RBFOX1: variants seen among roughly 807,000 people sequenced by gnomAD.
RBFOX1 encodes RNA binding fox-1 homolog 1.
Under a neutral mutation model 57.7 loss-of-function variants are expected in RBFOX1, and 8 were observed. That is an observed-to-expected ratio of 0.14 (90% CI 0.08 to 0.25). RBFOX1 has a LOEUF of 0.25. RBFOX1 is among the 10% of genes least tolerant of loss of function. The probability of loss-of-function intolerance (pLI) is 1.00; values close to 1 mark genes in which losing one functional copy is unlikely to be tolerated. For synonymous variants in RBFOX1, 326 were observed against 222.4 expected, an observed-to-expected ratio of 1.47 and a Z score of -4.15; for missense variants, 611 against 548.5, an observed-to-expected ratio of 1.11 and a Z score of -1.14.
intron 2 of RBFOX1, among the ~76,000 whole-genome samples, chr16:5,491,909 C>T (rs901565275): frequency 6.6e-6 from 1 of 152,214 alleles, no homozygotes; most frequent in Non-Finnish European, 1.5e-5. Context: ...GCCTCACATC[C>T]TCAGAAAATC....
chr16:7,404,265 C>A (rs577101323), intron 4 of RBFOX1, among the ~76,000 whole-genome samples: 1 of 151,838 alleles, frequency 6.6e-6, no homozygotes, highest in East Asian at 2.0e-4. Context: ...GTTAGTCAGG[C>A]TGGTCTCTAA....
chr16:5,419,648 C>T (rs1363375586), intron 1 of RBFOX1, among the ~76,000 whole-genome samples: 1 of 152,052 alleles, frequency 6.6e-6, no homozygotes, highest in Non-Finnish European at 1.5e-5. Flanking sequence ...TCCTCAGAAG[C>T]TGTGAATGCG....
At chr16:5,291,573 C>G (rs1257394750) in intron 1 of RBFOX1, among the ~76,000 whole-genome samples, 6 of 152,120 alleles carry the variant, frequency 3.9e-5, no homozygotes, top group Admixed American at 3.9e-4. Flanking sequence ...GAGCTTTTAT[C>G]ATTGTTAACC....
intron 3 of RBFOX1, among the ~76,000 whole-genome samples, chr16:6,976,772 A>G (rs1381552277): frequency 1.8e-5 from 2 of 112,290 alleles, no homozygotes; most frequent in African/African-American, 3.3e-5. Context: ...ATATCGTATG[A>G]CATATCAATA....
Position 7,160,559 on chromosome 16 carries a change from A to C in RBFOX1, c.27+108461A>C, listed in dbSNP as rs189073206. ...TCATTAACTTGTTCTTGTTGATTCA[A>C]TGAAGATTACCTGCAGTTAGCTGAA... On this transcript the variant is annotated intron_variant, in intron 4 of 15. Coordinates refer to ENST00000550418, the MANE Select transcript of RBFOX1 (RefSeq NM_018723.4). Among the ~76,000 whole-genome samples, 1,091 of 152,296 alleles carry C rather than the reference A, an allele frequency of 7.2e-3. 9 individuals are homozygous for C. The highest frequency in any genetic ancestry group is 0.014 in the Middle Eastern group (4 of 294).
chr16:6,899,241 GTA>G (rs1227036702), intron 3 of RBFOX1, among the ~76,000 whole-genome samples: 1 of 151,906 alleles, frequency 6.6e-6, no homozygotes, highest in Non-Finnish European at 1.5e-5. Flanking sequence ...GTGTCCATGT[GTA>G]TGTTTGCGTG....
In RBFOX1 at chr16:6,205,483, A is replaced by T. The variant is rs114193788; in HGVS notation, c.-126-111512A>T. Among the ~76,000 whole-genome samples the T allele has an allele frequency of 8.8e-3, 1,335 of 152,270 alleles. 14 individuals are homozygous for T. The highest frequency in any genetic ancestry group is 0.031 in the African/African-American group (1,278 of 41,556). ...CTTCTCTGCGTCTGCTTCTGCTGCC[A>T]TGTTTATAAATATGTATGCACATTT... On this transcript the variant is annotated intron_variant, in intron 1 of 15. Transcript: ENST00000550418.
At chr16:7,608,919 G>A (rs2056879610) in intron 10 of RBFOX1, among the ~76,000 whole-genome samples, 1 of 152,178 alleles carries the variant, frequency 6.6e-6, no homozygotes, top group African/African-American at 2.4e-5. Flanking sequence ...CTTCATTGAT[G>A]AGAGTACTAG....
intron 12 of RBFOX1, 71 bp downstream of exon 12, chr16:7,654,018 G>A: frequency 7.0e-7 from 1 of 1,424,972 alleles, no homozygotes. Flanking sequence ...GGAGCTGTTT[G>A]CGAGCGCATG....
intron 2 of RBFOX1, among the ~76,000 whole-genome samples, chr16:6,498,040 A>C (rs1023116744): frequency 2.6e-5 from 4 of 151,972 alleles, no homozygotes; most frequent in African/African-American, 9.7e-5. Flanking sequence ...CCTAAGGTCA[A>C]GAGTTTGAGA....
intron 4 of RBFOX1, among the ~76,000 whole-genome samples, chr16:7,273,090 CCTCCCTCCCTTTCCTCCTTCCCTCT>C (rs560423322): frequency 1.6e-5 from 2 of 124,190 alleles, no homozygotes; most frequent in Non-Finnish European, 3.3e-5. Context: ...TTCCGCTCTC[CCTCCCTCCCTTTCCTCCTTCCCTCT>C]CTCCCTCCCT....
At chr16:5,769,725 G>A (rs1364036213) in intron 3 of RBFOX1, among the ~76,000 whole-genome samples, 1 of 152,122 alleles carries the variant, frequency 6.6e-6, no homozygotes, top group African/African-American at 2.4e-5. Context: ...GAGAAGAGGA[G>A]TCATCTACAG....
At chr16:7,604,994 T>C (rs1241053038) in intron 9 of RBFOX1, among the ~76,000 whole-genome samples, 1 of 152,136 alleles carries the variant, frequency 6.6e-6, no homozygotes, top group African/African-American at 2.4e-5. Context: ...AATTATTCAT[T>C]TAATATGACC....
rs185905162 is a variant in RBFOX1, at chr16:5,888,621, C to T, written c.351+21286C>T. ...GACCAGCCTGACCAACATGGGGAAA[C>T]CTCGTCTCTACTAAAAATACAAAAT... is the stretch of plus-strand genomic sequence containing the variant. On this transcript the variant is annotated intron_variant, in intron 4 of 19. Coordinates refer to the RBFOX1 transcript ENST00000641259. Among the ~76,000 whole-genome samples, 4 of 152,012 alleles carry T rather than the reference C, an allele frequency of 2.6e-5. No individual in the cohort carries two copies. In the East Asian group the frequency reaches 5.8e-4, roughly 22 times the overall value.
intron 2 of RBFOX1, among the ~76,000 whole-genome samples, chr16:6,402,549 A>G (rs2093117125): frequency 6.6e-6 from 1 of 152,308 alleles, no homozygotes; most frequent in East Asian, 1.9e-4. Flanking sequence ...AAAGCAAAGT[A>G]CTGCTTTCTG....
intron 4 of RBFOX1, among the ~76,000 whole-genome samples, chr16:7,303,604 G>A (rs1367849784): frequency 1.3e-5 from 2 of 152,126 alleles, no homozygotes; most frequent in Non-Finnish European, 2.9e-5. Context: ...AAAAAGCGAA[G>A]GGGAGGGAAG....
chr16:5,338,830 T>A (rs1009641392), intron 1 of RBFOX1, among the ~76,000 whole-genome samples: 2 of 152,078 alleles, frequency 1.3e-5, no homozygotes, highest in Non-Finnish European at 2.9e-5. Flanking sequence ...CTATTTTTTT[T>A]GTATAGGTTG....
chr16:7,292,940 A>AG (rs371775784), intron 4 of RBFOX1, among the ~76,000 whole-genome samples: 102 of 152,234 alleles, frequency 6.7e-4, no homozygotes, highest in African/African-American at 2.4e-3. Context: ...CAGGAAACAG[A>AG]GGATGAAGGG....
intron 1 of RBFOX1, among the ~76,000 whole-genome samples, chr16:6,021,760 G>C (rs1025721562): frequency 1.2e-4 from 18 of 152,118 alleles, no homozygotes; most frequent in African/African-American, 3.1e-4. Flanking sequence ...TGTGACCTTG[G>C]GCAAGTTGCT....
Sources: gnomAD v4.1 joint callset for allele counts (sites outside exome capture counted in the v4.1 genomes callset) on GRCh38, gnomAD v4.1.1 for gene constraint, MANE v1.5 for transcripts, NCBI Gene and HGNC (gene_info 2026-07-23, HGNC 2026-07-21) for gene names.